Variants in VWA3A observed in about 807,000 individuals in gnomAD.
VWA3A encodes the protein von Willebrand factor A domain-containing protein 3A.
In VWA3A, 134 loss-of-function variants were observed where a neutral mutation model predicts 160.4. That is an observed-to-expected ratio of 0.84 (90% CI 0.73 to 0.96). The LOEUF is 0.96. VWA3A is among the 40% of genes least tolerant of loss of function. The pLI is 0.00. For missense variants in VWA3A, 1,310 were observed against 1,447.9 expected, an observed-to-expected ratio of 0.90 and a Z score of 1.55; for synonymous variants, 476 against 543.4, an observed-to-expected ratio of 0.88 and a Z score of 1.72.
At chr16:22,113,075 G>A (rs540866295) in intron 8 of VWA3A, among the ~76,000 whole-genome samples, 4 of 152,362 alleles carry the variant, frequency 2.6e-5, no homozygotes, top group Admixed American at 1.3e-4. Context: ...ATGGATGGCA[G>A]CCAAAAGTTC....
At chr16:22,120,820 A>T in intron 12 of VWA3A, 148 bp from the exon 13 acceptor site, 1 of 908,352 alleles carries the variant, frequency 1.1e-6, no homozygotes, top group Non-Finnish European at 1.6e-6. Flanking sequence ...AGGGGAGGGG[A>T]TGATGGAAGG....
chr16:22,148,061 T>G, intron 27 of VWA3A, 101 bp from the exon 28 acceptor site: 1 of 1,383,500 alleles, frequency 7.2e-7, no homozygotes, highest in Admixed American at 2.8e-5. Context: ...AGGCAACAGG[T>G]GTCACAAGAC....
rs185143842 is a variant in VWA3A at position 22,096,996 on chromosome 16, C to T, written c.101+51C>T. 1.8e-4 allele frequency: 216 copies of T among 1,203,788 alleles called. 2 individuals are homozygous for T. The East Asian group carries it at 5.0e-3, about 28-fold the overall frequency. 74.6% of individuals were successfully genotyped at this position (1,203,788 alleles called of 1,614,324 possible). ...TTTTTTTTTTTTTGAGGCAGATTCTCGCACTGTCTCCCAGGCTGGAGTGCA... is the reference window on the plus strand; with the variant it reads ...TTTTTTTTTTTTTGAGGCAGATTCTTGCACTGTCTCCCAGGCTGGAGTGCA... On this transcript the variant is annotated intron_variant, in intron 2 of 33. Coordinates refer to ENST00000389398, the MANE Select transcript of VWA3A (RefSeq NM_173615.5).
intron 9 of VWA3A, among the ~76,000 whole-genome samples, chr16:22,115,928 A>AAGGAAGGAAGG (rs1267589853): frequency 1.5e-4 from 4 of 27,304 alleles, no homozygotes; most frequent in African/African-American, 3.5e-3. Context: ...GAAGGAAAGG[A>AAGGAAGGAAGG]AAGGAAAGGA....
chr16:22,153,992 G>A (rs1374054510), intron 31 of VWA3A, among the ~76,000 whole-genome samples: 2 of 152,104 alleles, frequency 1.3e-5, no homozygotes, highest in Admixed American at 6.6e-5. Context: ...TCCCGCCTGA[G>A]CTTCCCAAAG....
intron 6 of VWA3A, among the ~76,000 whole-genome samples, chr16:22,106,230 C>T (rs759055966): frequency 6.6e-6 from 1 of 151,842 alleles, no homozygotes; most frequent in East Asian, 1.9e-4. Context: ...ACTAAAAACA[C>T]AAAAATTAGC....
intron 25 of VWA3A, 92 bp from the exon 26 acceptor site, chr16:22,144,155 G>C: frequency 7.0e-7 from 1 of 1,423,570 alleles, no homozygotes; most frequent in South Asian, 1.5e-5. Flanking sequence ...CATCATACAG[G>C]TTTCAAACAT....
Position 22,156,224 on chromosome 16 carries a change from C to A in VWA3A, c.*207C>A, listed in dbSNP as rs143341454. ...AATCTAACTCTCCAGCCCTGTCCCG[C>A]AGCGCACTCTACTCTCCAGCCACTA... is the stretch of plus-strand genomic sequence containing the variant. On this transcript the variant is annotated 3_prime_UTR_variant, in exon 34 of 34. Coordinates refer to ENST00000389398, the MANE Select transcript of VWA3A (RefSeq NM_173615.5). 4.3e-3 allele frequency: 1,479 copies of A among 344,076 alleles called. 23 individuals carry two copies. The highest frequency in any genetic ancestry group is 0.028 in the African/African-American group (1,319 of 46,760). The allele number at this position is 344,076 out of a possible 1,614,324, so 21.3% of individuals were successfully genotyped here.
chr16:22,097,787 A>C, intron 3 of VWA3A, 92 bp downstream of exon 3: 46 of 1,490,844 alleles, frequency 3.1e-5, no homozygotes, highest in Middle Eastern at 1.7e-4. Context: ...CTTCCTTCTC[A>C]TAGGATTCTA....
chr16:22,143,936 C>T (rs1331657096), intron 25 of VWA3A, among the ~76,000 whole-genome samples: 1 of 151,798 alleles, frequency 6.6e-6, no homozygotes, highest in Non-Finnish European at 1.5e-5. Flanking sequence ...GATGGGGTTT[C>T]ACCATGTTGG....
intron 12 of VWA3A, among the ~76,000 whole-genome samples, chr16:22,120,022 A>G (rs536309257): frequency 6.6e-6 from 1 of 152,112 alleles, no homozygotes; most frequent in Non-Finnish European, 1.5e-5. Context: ...CCAAAAAAAA[A>G]AAAAAATTAT....
intron 12 of VWA3A, among the ~76,000 whole-genome samples, chr16:22,119,653 G>C (rs1004198971): frequency 6.6e-6 from 1 of 152,190 alleles, no homozygotes; most frequent in African/African-American, 2.4e-5. Flanking sequence ...CTGGGCAACA[G>C]AGCGAGGCCC....
At position 22,156,191 on chromosome 16, in the gene VWA3A, C is replaced by T. The variant is rs759114258; in HGVS notation, c.*174C>T. 1.1e-5 allele frequency: 5 copies of T among 463,298 alleles called. No individual in the cohort carries two copies. Among genetic ancestry groups the T allele is most frequent in the Admixed American group, 3.8e-5 (1 of 26,580 alleles). The allele number at this position is 463,298 out of a possible 1,614,324, so 28.7% of individuals were successfully genotyped here. On this transcript the variant is annotated 3_prime_UTR_variant, in exon 34 of 34. Coordinates refer to ENST00000389398, the MANE Select transcript of VWA3A (RefSeq NM_173615.5). ...TGTCTTTTGTGTGAGGGGCCATTCC[C>T]GGGTCTTAATCTAACTCTCCAGCCC... is the stretch of plus-strand genomic sequence containing the variant.
At chr16:22,131,373 T>G (rs1480063883) in intron 18 of VWA3A, 94 bp downstream of exon 18, 2 of 1,493,492 alleles carry the variant, frequency 1.3e-6, no homozygotes, top group African/African-American at 2.8e-5. Flanking sequence ...GAAGTAGCTC[T>G]CTAGAGTCCC....
Position 22,115,416 on chromosome 16 carries a change from G to T in VWA3A, c.759G>T (p.Leu253=), listed in dbSNP as rs1163504351. 1 of 1,605,084 alleles carries T rather than the reference G, an allele frequency of 6.2e-7. No individual in the cohort carries two copies. Among genetic ancestry groups the T allele is most frequent in the East Asian group, 2.2e-5 (1 of 44,704 alleles). The change falls in exon 9 of 34, where the codon CTG becomes CTT. Residue 253 remains leucine, a synonymous_variant. Transcript: ENST00000389398. ...PDGGSNLLQA[L]KKIFTLKGLD... Reference sequence around the variant, plus strand: ...GAGGCAGCAACCTGCTACAAGCTCTGAAGAAGATCTTCACTCTCAAGGGAC... The same window carrying T: ...GAGGCAGCAACCTGCTACAAGCTCTTAAGAAGATCTTCACTCTCAAGGGAC...
intron 1 of VWA3A, among the ~76,000 whole-genome samples, chr16:22,095,216 T>C (rs1016685758): frequency 3.9e-5 from 6 of 152,188 alleles, no homozygotes; most frequent in African/African-American, 9.7e-5. Context: ...AATGGGATGC[T>C]GGAGATTTCC....
chr16:22,140,967 A>G (rs1448545480), intron 23 of VWA3A, among the ~76,000 whole-genome samples: 1 of 152,202 alleles, frequency 6.6e-6, no homozygotes, highest in Admixed American at 6.5e-5. Flanking sequence ...AAAACGATCA[A>G]TGATCCTGAG....
intron 31 of VWA3A, among the ~76,000 whole-genome samples, chr16:22,154,960 C>CAAAAAAAAAAAA (rs747770335): frequency 3.3e-4 from 18 of 54,430 alleles, no homozygotes; most frequent in South Asian, 1.2e-3. Context: ...GACTCCGTCT[C>CAAAAAAAAAAAA]AAAAAAAAAA....
At chr16:22,117,090 A>G (rs1235700616) in intron 10 of VWA3A, 21 bp from the exon 11 acceptor site, 2 of 1,569,294 alleles carry the variant, frequency 1.3e-6, no homozygotes, top group Non-Finnish European at 1.7e-6. Context: ...GTGAGGCCTG[A>G]CCCTGGCCTC....
Sources: allele counts gnomAD v4.1 joint callset (sites outside exome capture counted in the v4.1 genomes callset), GRCh38; gene constraint gnomAD v4.1.1; transcripts MANE v1.5; gene names NCBI Gene and HGNC (gene_info 2026-07-23, HGNC 2026-07-21).